The following NBAS variants were observed in gnomAD, a reference collection of about 807,000 sequenced individuals.
NBAS encodes NBAS subunit of NRZ tethering complex.
NBAS carries 219 observed loss-of-function variants against 302.5 expected under a neutral mutation model. The ratio of observed to expected loss-of-function variants is 0.72; its 90% CI spans 0.65 to 0.81. The LOEUF (loss-of-function observed/expected upper bound fraction) is 0.81. Among genes scored for constraint, NBAS ranks in the 30% least tolerant of loss-of-function variants. The pLI is 0.00. For synonymous variants in NBAS, 1,118 were observed against 1,021.6 expected (o/e 1.09, Z -1.80); for missense variants, 2,932 against 2,841.6 (o/e 1.03, Z -0.72).
intron 44 of NBAS, among the ~76,000 whole-genome samples, chr2:15,239,007 CTTA>C (rs1052164626): frequency 5.9e-5 from 9 of 151,962 alleles, no homozygotes; most frequent in Admixed American, 3.9e-4. Context: ...GTTCTGATCA[CTTA>C]TTATAAGAAA....
At chr2:15,223,632 C>T (rs953618216) in intron 47 of NBAS, among the ~76,000 whole-genome samples, 1 of 151,720 alleles carries the variant, frequency 6.6e-6, no homozygotes, top group Non-Finnish European at 1.5e-5. Flanking sequence ...AGATCGAGAC[C>T]ATCCTGGCCA....
intron 38 of NBAS, among the ~76,000 whole-genome samples, chr2:15,312,344 G>A (rs1489290831): frequency 1.3e-5 from 2 of 151,958 alleles, no homozygotes; most frequent in Non-Finnish European, 2.9e-5. Context: ...GGACAGTCTT[G>A]GCTCACTGTA....
At chr2:15,520,073 AT>A (rs536779367) in intron 9 of NBAS, among the ~76,000 whole-genome samples, 155 of 152,086 alleles carry the variant, frequency 1.0e-3, no homozygotes, top group African/African-American at 3.6e-3. Context: ...CTCGGCTATA[AT>A]TTTTTTTAAA....
chr2:14,960,291 T>A, the NBAS span, among the ~76,000 whole-genome samples: 8 of 152,326 alleles, frequency 5.3e-5, no homozygotes, highest in Non-Finnish European at 1.5e-5. Flanking sequence ...CAACTTCCCA[T>A]AGAAGGCCCT....
intron 35 of NBAS, among the ~76,000 whole-genome samples, chr2:15,338,672 C>T (rs1672705000): frequency 7.5e-6 from 1 of 133,386 alleles, no homozygotes; most frequent in African/African-American, 3.0e-5. Context: ...CAAACACACA[C>T]ATACACACAC....
the NBAS span, among the ~76,000 whole-genome samples, chr2:14,885,208 T>C: frequency 1.3e-5 from 2 of 152,074 alleles, no homozygotes; most frequent in Non-Finnish European, 2.9e-5. Flanking sequence ...AGAAAATTAG[T>C]TGTTTAGGGA....
At chr2:15,484,312 C>T (rs1680540810) in intron 12 of NBAS, among the ~76,000 whole-genome samples, 1 of 152,110 alleles carries the variant, frequency 6.6e-6, no homozygotes, top group Admixed American at 6.5e-5. Flanking sequence ...AATGTAAGTA[C>T]TGTAAGTAGA....
the NBAS span, among the ~76,000 whole-genome samples, chr2:15,154,179 G>A: frequency 2.6e-5 from 4 of 152,190 alleles, no homozygotes; most frequent in African/African-American, 9.7e-5. Context: ...TTTATTCCAA[G>A]TTTGAAAAAT....
At chr2:14,969,667 T>C in the NBAS span, among the ~76,000 whole-genome samples, 1 of 152,150 alleles carries the variant, frequency 6.6e-6, no homozygotes, top group African/African-American at 2.4e-5. Context: ...GTGAGCCACC[T>C]TGCCCAGCCT....
chr2:14,954,824 C>T, the NBAS span, among the ~76,000 whole-genome samples: 1 of 152,136 alleles, frequency 6.6e-6, no homozygotes, highest in Admixed American at 6.5e-5. Flanking sequence ...CTGGTCCTAC[C>T]CTTAACATGT....
At chr2:15,157,091 T>C in the NBAS span, among the ~76,000 whole-genome samples, 3 of 152,122 alleles carry the variant, frequency 2.0e-5, no homozygotes, top group Non-Finnish European at 2.9e-5. Flanking sequence ...ATGGATCCCA[T>C]AGTTAAGAAC....
the NBAS span, among the ~76,000 whole-genome samples, chr2:15,134,055 T>TG: frequency 1.1e-5 from 1 of 87,484 alleles, no homozygotes; most frequent in Non-Finnish European, 2.1e-5. Context: ...TGAACATTTC[T>TG]TTCTCTCTCT....
the NBAS span, among the ~76,000 whole-genome samples, chr2:14,896,714 A>C: frequency 4.6e-5 from 7 of 152,156 alleles, no homozygotes; most frequent in Non-Finnish European, 1.0e-4. Context: ...GGTACAGAAG[A>C]CAGGGAGCCC....
intron 51 of NBAS, among the ~76,000 whole-genome samples, chr2:15,178,308 T>C (rs1442137038): frequency 6.6e-6 from 1 of 152,194 alleles, no homozygotes; most frequent in Non-Finnish European, 1.5e-5. Flanking sequence ...AATGAAAGAA[T>C]GATCTCCACA....
chr2:14,914,328 C>G, the NBAS span, among the ~76,000 whole-genome samples: 1 of 152,192 alleles, frequency 6.6e-6, no homozygotes, highest in South Asian at 2.1e-4. Context: ...ATTTGCAGCC[C>G]AGGCACACCC....
the NBAS span, among the ~76,000 whole-genome samples, chr2:14,984,771 T>G: frequency 5.3e-3 from 808 of 152,310 alleles, 6 homozygotes; most frequent in African/African-American, 0.018. Context: ...TGATTAGTCA[T>G]GAACATCATG....
intron 44 of NBAS, among the ~76,000 whole-genome samples, chr2:15,245,540 G>C (rs1179184151): frequency 1.3e-5 from 2 of 151,976 alleles, no homozygotes; most frequent in Non-Finnish European, 2.9e-5. Flanking sequence ...CTTATTGTTT[G>C]TCACTGCTAC....
intron 51 of NBAS, among the ~76,000 whole-genome samples, chr2:15,175,460 G>C (rs1258006201): frequency 6.6e-6 from 1 of 152,172 alleles, no homozygotes; most frequent in Non-Finnish European, 1.5e-5. Flanking sequence ...ATACGTATCT[G>C]CTTACTTTGA....
rs1267404587 is a variant in NBAS, at chr2:15,264,443, C to T, written c.5724+11041G>A. The stretch of plus-strand genomic sequence containing the variant: ...TGCATTAGCATTTATGATTGTACTG[C>T]GTACATGGTCCTTTGGCCAATTTTC... On this transcript the variant is annotated intron_variant, in intron 44 of 51. Coordinates refer to ENST00000281513, the MANE Select transcript of NBAS (RefSeq NM_015909.4). 4.6e-5 allele frequency among the ~76,000 whole-genome samples: 7 copies of T among 152,116 alleles called. No homozygotes were observed. The East Asian group carries it at 5.8e-4, about 13-fold the overall frequency.
Sources: allele counts gnomAD v4.1 joint callset (sites outside exome capture counted in the v4.1 genomes callset), GRCh38; gene constraint gnomAD v4.1.1; transcripts MANE v1.5; gene names NCBI Gene and HGNC (gene_info 2026-07-23, HGNC 2026-07-21).